GTF2F2: variants seen among roughly 807,000 people sequenced by gnomAD.
GTF2F2 encodes the protein ATP-dependent helicase GTF2F2.
Under a neutral mutation model 42.2 loss-of-function variants are expected in GTF2F2, and 23 were observed. The observed-to-expected ratio is 0.55, with a 90% CI of 0.39 to 0.77. GTF2F2 has a LOEUF of 0.77. Among genes scored for constraint, GTF2F2 ranks in the 30% least tolerant of loss-of-function variants. The probability of loss-of-function intolerance (pLI) is 0.00; values close to 1 mark genes in which losing one functional copy is unlikely to be tolerated. For synonymous variants in GTF2F2, 105 were observed against 100.8 expected, an observed-to-expected ratio of 1.04 and a Z score of -0.25; for missense variants, 261 against 287.2, an observed-to-expected ratio of 0.91 and a Z score of 0.66.
chr13:45,158,253 T>A (rs1021797820), intron 4 of GTF2F2, among the ~76,000 whole-genome samples: 2 of 152,222 alleles, frequency 1.3e-5, no homozygotes, highest in African/African-American at 4.8e-5. Context: ...TCTCATGAGA[T>A]CTGGTGGGTT....
At chr13:45,135,273 T>A (rs578207474) in intron 1 of GTF2F2, among the ~76,000 whole-genome samples, 20 of 151,476 alleles carry the variant, frequency 1.3e-4, no homozygotes, top group African/African-American at 4.6e-4. Context: ...TATCTAGTAG[T>A]TGTTCAGTAA....
chr13:45,172,740 T>C (rs918679483), intron 4 of GTF2F2, among the ~76,000 whole-genome samples: 5 of 152,226 alleles, frequency 3.3e-5, no homozygotes, highest in African/African-American at 1.2e-4. Context: ...TTGGCACCTT[T>C]GTTGAAAATT....
At chr13:45,209,824 C>G (rs1873561519) in intron 5 of GTF2F2, among the ~76,000 whole-genome samples, 1 of 152,246 alleles carries the variant, frequency 6.6e-6, no homozygotes, top group Non-Finnish European at 1.5e-5. Context: ...AATACCAACT[C>G]TGTCCTCTCA....
Position 45,121,900 on chromosome 13 carries a change from G to A in GTF2F2, c.66+1179G>A, listed in dbSNP as rs117913406. On this transcript the variant is annotated intron_variant, in intron 1 of 7. Coordinates refer to ENST00000340473, the MANE Select transcript of GTF2F2 (RefSeq NM_004128.3). Reference sequence around the variant, plus strand: ...CAGCAGCATGTTACTTGGGGGGAGAGTCACTAAGGAGGAGATTGCCCTTAC... The same window carrying A: ...CAGCAGCATGTTACTTGGGGGGAGAATCACTAAGGAGGAGATTGCCCTTAC... Among the ~76,000 whole-genome samples the A allele has an allele frequency of 5.4e-5, 8 of 149,306 alleles. No homozygotes were observed. In the East Asian group the frequency reaches 1.4e-3, roughly 25 times the overall value.
intron 7 of GTF2F2, among the ~76,000 whole-genome samples, chr13:45,273,228 C>A (rs1876878334): frequency 6.6e-6 from 1 of 151,744 alleles, no homozygotes; most frequent in Admixed American, 6.6e-5. Context: ...GCCCAGCCCA[C>A]ACCTGGCTAA....
At chr13:45,261,425 CA>C (rs976923932) in intron 6 of GTF2F2, among the ~76,000 whole-genome samples, 146 of 58,890 alleles carry the variant, frequency 2.5e-3, no homozygotes, top group South Asian at 6.8e-3. Flanking sequence ...GACTCCATCT[CA>C]AAAAAAAAAA....
At position 45,283,707 on chromosome 13, in the gene GTF2F2, A is replaced by G; in HGVS notation, c.*146A>G. The G allele has an allele frequency of 2.0e-6, 1 of 502,998 alleles. No homozygotes were observed. Among genetic ancestry groups the G allele is most frequent in the Non-Finnish European group, 3.2e-6 (1 of 312,602 alleles). The allele number at this position is 502,998 out of a possible 1,614,324, so 31.2% of individuals were successfully genotyped here. A position where few individuals can be genotyped will look rare whatever the true frequency, so the allele number is the denominator to read the frequency against. ...TCTCGGTAAATTTTTTAAACCTGTAATTCTTGTAAAGTTTCTTAACTGTTT... is the reference window on the plus strand; with the variant it reads ...TCTCGGTAAATTTTTTAAACCTGTAGTTCTTGTAAAGTTTCTTAACTGTTT... On this transcript the variant is annotated 3_prime_UTR_variant, in exon 8 of 8. Coordinates refer to ENST00000340473, the MANE Select transcript of GTF2F2 (RefSeq NM_004128.3).
At chr13:45,211,999 C>T (rs1464143123) in intron 5 of GTF2F2, among the ~76,000 whole-genome samples, 1 of 151,910 alleles carries the variant, frequency 6.6e-6, no homozygotes, top group East Asian at 1.9e-4. Context: ...CCCACATATG[C>T]GCACGCACAC....
chr13:45,243,107 A>G (rs1241152819), intron 5 of GTF2F2, among the ~76,000 whole-genome samples: 2 of 152,220 alleles, frequency 1.3e-5, no homozygotes, highest in African/African-American at 4.8e-5. Context: ...TCCCCAGGGG[A>G]TTGATTCCAG....
chr13:45,165,599 A>G (rs527275456), intron 4 of GTF2F2, among the ~76,000 whole-genome samples: 2 of 140,566 alleles, frequency 1.4e-5, no homozygotes, highest in South Asian at 4.3e-4. Flanking sequence ...TAACCTTTTC[A>G]TTCTGGAAAA....
At chr13:45,168,089 TA>T (rs1215699074) in intron 4 of GTF2F2, among the ~76,000 whole-genome samples, 1 of 152,242 alleles carries the variant, frequency 6.6e-6, no homozygotes, top group African/African-American at 2.4e-5. Context: ...CTGTACCGTT[TA>T]GCAAAGAAAA....
At chr13:45,163,546 A>C (rs1030522524) in intron 4 of GTF2F2, among the ~76,000 whole-genome samples, 8 of 152,116 alleles carry the variant, frequency 5.3e-5, no homozygotes, top group African/African-American at 1.9e-4. Flanking sequence ...AAAAAAAAAG[A>C]AAAAAAGTAA....
chr13:45,147,364 G>A (rs1870246084), intron 2 of GTF2F2, among the ~76,000 whole-genome samples: 2 of 152,064 alleles, frequency 1.3e-5, no homozygotes, highest in African/African-American at 4.8e-5. Context: ...GCATCTTTTC[G>A]TTTGTTTTGT....
At chr13:45,121,447 G>A (rs1384512087) in intron 1 of GTF2F2, among the ~76,000 whole-genome samples, 1 of 152,178 alleles carries the variant, frequency 6.6e-6, no homozygotes, top group Admixed American at 6.5e-5. Context: ...AACTTAAAAT[G>A]TAAGGACTTT....
In GTF2F2 at chr13:45,216,766, G is replaced by A. The variant is rs541097778; in HGVS notation, c.386+9261G>A. Among the ~76,000 whole-genome samples the A allele has an allele frequency of 6.6e-5, 10 of 151,706 alleles. 1 individual carries two copies. The highest frequency in any genetic ancestry group is 1.3e-4 in the Admixed American group (2 of 15,248). On this transcript the variant is annotated intron_variant, in intron 5 of 7. Coordinates refer to ENST00000340473, the MANE Select transcript of GTF2F2 (RefSeq NM_004128.3). ...ACTCCTGACCTCAAGTGATCCACCC[G>A]CTTCAGCCTCCCCAAGTGCTGGGAT...
At chr13:45,128,641 G>T (rs749600849) in intron 1 of GTF2F2, among the ~76,000 whole-genome samples, 8 of 151,828 alleles carry the variant, frequency 5.3e-5, no homozygotes, top group Non-Finnish European at 1.2e-4. Context: ...ACCCAGGCTG[G>T]AGTGCAGTGG....
chr13:45,237,748 A>G (rs1051627929), intron 5 of GTF2F2, among the ~76,000 whole-genome samples: 3 of 152,212 alleles, frequency 2.0e-5, no homozygotes, highest in Admixed American at 6.5e-5. Flanking sequence ...TCTGTATGCC[A>G]TGAATTTGCT....
At chr13:45,124,181 C>A in intron 1 of GTF2F2, 1 of 461,414 alleles carries the variant, frequency 2.2e-6, no homozygotes, top group South Asian at 2.1e-5. Flanking sequence ...CTCGTGGGTT[C>A]AAGCGATTCT....
At chr13:45,153,986 A>C (rs1870630209) in intron 4 of GTF2F2, among the ~76,000 whole-genome samples, 1 of 104,654 alleles carries the variant, frequency 9.6e-6, no homozygotes, top group Non-Finnish European at 2.4e-5. Flanking sequence ...CAAAAAAAAA[A>C]AAAAAAAAAA....
Sources: allele counts gnomAD v4.1 joint callset (sites outside exome capture counted in the v4.1 genomes callset), GRCh38; gene constraint gnomAD v4.1.1; transcripts MANE v1.5; gene names NCBI Gene and HGNC (gene_info 2026-07-23, HGNC 2026-07-21).